The following IGSF21 variants were observed in gnomAD, a reference collection of about 807,000 sequenced individuals.
IGSF21 encodes the protein immunoglobulin superfamily member 21.
Under a neutral mutation model 46.8 loss-of-function variants are expected in IGSF21, and 28 were observed. The ratio of observed to expected loss-of-function variants is 0.60; its 90% CI spans 0.44 to 0.82. The LOEUF (loss-of-function observed/expected upper bound fraction) is 0.82, where lower values mean the gene tolerates loss of function less well. IGSF21 is among the 40% of genes least tolerant of loss of function. The pLI, the probability that IGSF21 is intolerant of heterozygous loss-of-function variation, is 0.00. For missense variants in IGSF21, 624 were observed against 665.5 expected, an observed-to-expected ratio of 0.94 and a Z score of 0.69; for synonymous variants, 284 against 273.6, an observed-to-expected ratio of 1.04 and a Z score of -0.38.
At chr1:18,328,450 G>T (rs746339913) in intron 3 of IGSF21, among the ~76,000 whole-genome samples, 7 of 152,114 alleles carry the variant, frequency 4.6e-5, no homozygotes, top group African/African-American at 9.7e-5. Flanking sequence ...TGACTTTCAC[G>T]CTGTCTTAAG....
At chr1:18,361,697 C>T (rs1436847631) in intron 4 of IGSF21, 5 of 159,292 alleles carry the variant, frequency 3.1e-5, no homozygotes, top group African/African-American at 1.2e-4. Context: ...AAACTCAAAG[C>T]TCCTTCTACC....
chr1:18,182,168 G>A (rs1232349006), intron 1 of IGSF21, among the ~76,000 whole-genome samples: 1 of 143,486 alleles, frequency 7.0e-6, no homozygotes, highest in African/African-American at 2.6e-5. Context: ...ACTTCTGAAA[G>A]GTGTCTTTTT....
intron 2 of IGSF21, among the ~76,000 whole-genome samples, chr1:18,239,095 G>A (rs781273629): frequency 1.4e-4 from 21 of 152,008 alleles, no homozygotes; most frequent in Non-Finnish European, 2.1e-4. Context: ...TGGGGCCTCC[G>A]AGCACATGGA....
intron 4 of IGSF21, among the ~76,000 whole-genome samples, chr1:18,354,416 A>G (rs1428557563): frequency 6.6e-6 from 1 of 152,204 alleles, no homozygotes; most frequent in Non-Finnish European, 1.5e-5. Flanking sequence ...AAAGAAAAAA[A>G]AAAGAAAGAA....
intron 2 of IGSF21, among the ~76,000 whole-genome samples, chr1:18,232,131 A>G (rs1008846140): frequency 1.4e-5 from 2 of 147,666 alleles, no homozygotes; most frequent in African/African-American, 5.0e-5. Context: ...TGCTTTCTCC[A>G]CTGTTACATG....
intron 1 of IGSF21, among the ~76,000 whole-genome samples, chr1:18,209,804 G>A (rs1309902761): frequency 6.6e-6 from 1 of 152,018 alleles, no homozygotes. Context: ...TTGGTGGAGT[G>A]TGCCCTGCCC....
chr1:18,268,317 G>A (rs1319974709), intron 2 of IGSF21, among the ~76,000 whole-genome samples: 1 of 152,246 alleles, frequency 6.6e-6, no homozygotes, highest in African/African-American at 2.4e-5. Context: ...CCACAGGGCA[G>A]GGCTCTTTCT....
chr1:18,164,530 T>C (rs2086659286), intron 1 of IGSF21, among the ~76,000 whole-genome samples: 1 of 152,144 alleles, frequency 6.6e-6, no homozygotes, highest in South Asian at 2.1e-4. Context: ...CCTCACCCTG[T>C]TCTCCCACAG....
chr1:18,307,739 G>T lies in IGSF21; in HGVS notation c.305+15752G>T, dbSNP rs1399935118. On this transcript the variant is annotated intron_variant, in intron 3 of 9. Transcript: ENST00000251296. ...CGGGAGCTATCAGTGGTGACACTGG[G>T]CAGGACTCAGAGCTTCAGCTCCTTC... 2.0e-5 allele frequency among the ~76,000 whole-genome samples: 3 copies of T among 152,340 alleles called. No individual in the cohort carries two copies. In the East Asian group the frequency reaches 5.8e-4, roughly 30 times the overall value.
rs528584136 is a variant in IGSF21, at chr1:18,254,115, T to C, written c.183+26105T>C. Among the ~76,000 whole-genome samples, 228 of 152,300 alleles carry C rather than the reference T, an allele frequency of 1.5e-3. 4 individuals are homozygous for C. The highest frequency in any genetic ancestry group is 0.015 in the Admixed American group (224 of 15,300). The stretch of plus-strand genomic sequence containing the variant: ...TTTTGTAGATGTAGAAGCTGAGGTT[T>C]AGGTGCTTCTACCCAGTTCATGCTT... On this transcript the variant is annotated intron_variant, in intron 2 of 9. Coordinates refer to ENST00000251296, the MANE Select transcript of IGSF21 (RefSeq NM_032880.5).
chr1:18,274,937 GA>G (rs1272518948), intron 2 of IGSF21, among the ~76,000 whole-genome samples: 1 of 152,182 alleles, frequency 6.6e-6, no homozygotes, highest in African/African-American at 2.4e-5. Context: ...TGAGGCAAGA[GA>G]ATCGCTTGAG....
intron 1 of IGSF21, among the ~76,000 whole-genome samples, chr1:18,200,917 T>C (rs2087066808): frequency 6.6e-6 from 1 of 152,158 alleles, no homozygotes; most frequent in Non-Finnish European, 1.5e-5. Context: ...GGGTCCACCT[T>C]TGCTCTTCTG....
chr1:18,191,049 T>TG (rs910910590), intron 1 of IGSF21, among the ~76,000 whole-genome samples: 3 of 152,180 alleles, frequency 2.0e-5, no homozygotes, highest in Non-Finnish European at 2.9e-5. Context: ...TGGTAGAGTG[T>TG]GGGGGGACCC....
intron 3 of IGSF21, among the ~76,000 whole-genome samples, chr1:18,325,749 G>A (rs77621096): frequency 0.017 from 2,647 of 152,272 alleles, 90 homozygotes; most frequent in African/African-American, 0.059. Flanking sequence ...TTTCCTGCCT[G>A]TCTCCATCTG....
At chr1:18,166,994 ACT>A (rs934510197) in intron 1 of IGSF21, 1 of 153,134 alleles carries the variant, frequency 6.5e-6, no homozygotes, top group Non-Finnish European at 1.5e-5. Flanking sequence ...CAGCGTGGAG[ACT>A]CTGTTGTGGA....
intron 8 of IGSF21, 137 bp downstream of exon 8, chr1:18,377,129 C>T (rs1197290391): frequency 2.2e-6 from 2 of 921,678 alleles, no homozygotes; most frequent in African/African-American, 3.4e-5. Context: ...GAGAGGGTGC[C>T]CCACTGGGAG....
At chr1:18,184,418 C>G (rs568042952) in intron 1 of IGSF21, among the ~76,000 whole-genome samples, 1 of 152,308 alleles carries the variant, frequency 6.6e-6, no homozygotes, top group African/African-American at 2.4e-5. Flanking sequence ...CCTGGTTAAG[C>G]CAAGCTACAC....
intron 3 of IGSF21, among the ~76,000 whole-genome samples, chr1:18,318,416 C>T (rs1365065395): frequency 3.9e-5 from 6 of 152,154 alleles, no homozygotes; most frequent in Admixed American, 3.3e-4. Context: ...CAGATCACTT[C>T]TGCAGGCCTT....
At chr1:18,273,390 CTTTCCTTTCCTTTCCTTTCCTTTCT>C (rs2085063953) in intron 2 of IGSF21, among the ~76,000 whole-genome samples, 4 of 141,076 alleles carry the variant, frequency 2.8e-5, no homozygotes, top group African/African-American at 8.4e-5. Context: ...CTTTCCTTTC[CTTTCCTTTCCTTTCCTTTCCTTTCT>C]TTTCCTTTCC....
Sources: allele counts gnomAD v4.1 joint callset (sites outside exome capture counted in the v4.1 genomes callset), GRCh38; gene constraint gnomAD v4.1.1; transcripts MANE v1.5; gene names NCBI Gene and HGNC (gene_info 2026-07-23, HGNC 2026-07-21).